The following MED12L variants were observed in gnomAD, a reference collection of about 807,000 sequenced individuals.
MED12L encodes the protein mediator of RNA polymerase II transcription subunit 12-like protein.
MED12L carries 60 observed loss-of-function variants against 281.3 expected under a neutral mutation model. The observed-to-expected ratio is 0.21, with a 90% CI of 0.17 to 0.26. MED12L has a LOEUF of 0.26. MED12L is among the 10% of genes least tolerant of loss of function. The probability of loss-of-function intolerance (pLI) is 1.00; values close to 1 mark genes in which losing one functional copy is unlikely to be tolerated. For synonymous variants in MED12L, 974 were observed against 987.2 expected, an observed-to-expected ratio of 0.99 and a Z score of 0.25; for missense variants, 2,146 against 2,680.9, an observed-to-expected ratio of 0.80 and a Z score of 4.41.
intron 16 of MED12L, among the ~76,000 whole-genome samples, chr3:151,334,603 G>T (rs574826747): frequency 1.3e-5 from 2 of 151,970 alleles, no homozygotes; most frequent in Non-Finnish European, 2.9e-5. Context: ...GTGTTCAAGC[G>T]GTTCTCCTGC....
intron 16 of MED12L, among the ~76,000 whole-genome samples, chr3:151,223,428 A>T (rs887463082): frequency 2.0e-5 from 3 of 152,264 alleles, no homozygotes; most frequent in African/African-American, 7.2e-5. Flanking sequence ...TAGCAAAGGC[A>T]TAGAATCAGC....
intron 16 of MED12L, chr3:151,241,709 T>A (rs192730235): frequency 2.0e-4 from 30 of 152,294 alleles, no homozygotes; most frequent in Admixed American, 2.0e-3. Flanking sequence ...TTTTCATTTT[T>A]CTCTTGTGAA....
intron 16 of MED12L, among the ~76,000 whole-genome samples, chr3:151,207,097 A>C (rs1039531450): frequency 1.4e-5 from 2 of 147,628 alleles, no homozygotes; most frequent in Non-Finnish European, 3.0e-5. Context: ...TCCAGGCTGG[A>C]GTGCAGTGGT....
At chr3:151,245,334 C>T (rs1193555700) in intron 16 of MED12L, among the ~76,000 whole-genome samples, 1 of 151,552 alleles carries the variant, frequency 6.6e-6, no homozygotes, top group Non-Finnish European at 1.5e-5. Context: ...AATTTTAGAC[C>T]AATATCCTTG....
Position 151,098,325 on chromosome 3 carries a change from G to A in MED12L, c.99+11300G>A, listed in dbSNP as rs557113410. On this transcript the variant is annotated intron_variant, in intron 2 of 44. Transcript: ENST00000687756. ...TAGGTGGTCCCTGACATTCAGAACTGGAAGTGGGTGATTGGTTTCCTGGGG... is the reference window on the plus strand; with the variant it reads ...TAGGTGGTCCCTGACATTCAGAACTAGAAGTGGGTGATTGGTTTCCTGGGG... Among the ~76,000 whole-genome samples the A allele has an allele frequency of 5.3e-5, 8 of 152,332 alleles. No homozygotes were observed. The East Asian group carries it at 1.5e-3, about 29-fold the overall frequency.
In MED12L at chr3:151,094,616, T is replaced by C. The variant is rs569318536; in HGVS notation, c.99+7591T>C. Among the ~76,000 whole-genome samples the C allele has an allele frequency of 2.6e-5, 4 of 152,240 alleles. No homozygotes were observed. In the South Asian group the frequency reaches 8.3e-4, roughly 32 times the overall value. On this transcript the variant is annotated intron_variant, in intron 2 of 44. Coordinates refer to ENST00000687756, the MANE Select transcript of MED12L (RefSeq NM_001393769.1). ...TTCTCTTTCTCTTAGAAAATGTGTA[T>C]GTATATGTAAAGAACAATGTCATTA...
chr3:151,360,468 C>T lies in MED12L; in HGVS notation c.2826-6C>T, dbSNP rs758250840. 29 of 1,610,210 alleles carry T rather than the reference C, an allele frequency of 1.8e-5. No individual in the cohort carries two copies. Among genetic ancestry groups the T allele is most frequent in the South Asian group, 6.6e-5 (6 of 90,524 alleles). On this transcript the variant is annotated splice_polypyrimidine_tract_variant and splice_region_variant and intron_variant, in intron 20 of 44. Transcript: ENST00000687756. ...GTCTTATTTCTTCGTATATTTTTCTCCTCAGGTTGTGTGGTGTGGTCAAGC... is the reference window on the plus strand; with the variant it reads ...GTCTTATTTCTTCGTATATTTTTCTTCTCAGGTTGTGTGGTGTGGTCAAGC...
intron 2 of MED12L, among the ~76,000 whole-genome samples, chr3:151,114,920 A>G (rs1450223125): frequency 1.3e-5 from 2 of 152,112 alleles, no homozygotes; most frequent in African/African-American, 4.8e-5. Flanking sequence ...CTTTGGTGGC[A>G]TGGTGTCATG....
intron 16 of MED12L, among the ~76,000 whole-genome samples, chr3:151,257,313 TAGAC>T (rs1265843947): frequency 3.3e-5 from 5 of 152,258 alleles, no homozygotes; most frequent in Admixed American, 2.6e-4. Context: ...ATTAATCTCT[TAGAC>T]AGTTGAAACA....
chr3:151,191,635 G>T (rs570156384), intron 14 of MED12L, among the ~76,000 whole-genome samples: 1 of 152,114 alleles, frequency 6.6e-6, no homozygotes, highest in Non-Finnish European at 1.5e-5. Context: ...GCCTGGGCAC[G>T]GTGGCTGATG....
At chr3:151,370,515 TGA>T (rs1756040701) in intron 26 of MED12L, among the ~76,000 whole-genome samples, 1 of 152,184 alleles carries the variant, frequency 6.6e-6, no homozygotes, top group African/African-American at 2.4e-5. Context: ...CACGGGCCTG[TGA>T]ATTTTGTAGT....
intron 16 of MED12L, among the ~76,000 whole-genome samples, chr3:151,217,718 A>T (rs1728518118): frequency 6.6e-6 from 1 of 152,190 alleles, no homozygotes; most frequent in South Asian, 2.1e-4. Flanking sequence ...GAACACTCTA[A>T]AGGAACAAGC....
intron 16 of MED12L, among the ~76,000 whole-genome samples, chr3:151,227,848 G>C (rs536748309): frequency 8.5e-5 from 13 of 152,274 alleles, no homozygotes; most frequent in African/African-American, 2.6e-4. Flanking sequence ...TCAGTTCTTT[G>C]TGGGTAGGCT....
At chr3:151,193,798 C>T (rs1251880311) in intron 16 of MED12L, 132 bp downstream of exon 16, 1 of 729,726 alleles carries the variant, frequency 1.4e-6, no homozygotes, top group Non-Finnish European at 2.2e-6. Flanking sequence ...TTTGCTCCTG[C>T]TTCTGTTCTA....
Position 151,291,146 on chromosome 3 carries a change from T to G in MED12L, c.2251-58913T>G, listed in dbSNP as rs1744197956. ...TCCTACGCTTTATTTTGTCCTTGTT[T>G]TCTGTTTTTTTTTTTTTTTGTTTTT... On this transcript the variant is annotated intron_variant, in intron 16 of 44. Transcript: ENST00000687756. Among the ~76,000 whole-genome samples, 4 of 61,336 alleles carry G rather than the reference T, an allele frequency of 6.5e-5. 1 individual carries two copies. In the South Asian group the frequency reaches 3.3e-3, roughly 51 times the overall value. The allele number at this position is 61,336 out of a possible 152,430, so 40.2% of individuals were successfully genotyped here.
rs1753048443 is a variant in MED12L at position 151,350,201 on chromosome 3, C to T, written c.2393C>T (p.Thr798Ile). The change falls in exon 17 of 45, where the codon ACA becomes ATA. Residue 798 changes from threonine (T) to isoleucine (I), a missense_variant. Transcript: ENST00000687756. ...KILNKKSTTETGVGDEGQKAR... is the reference protein window; with the variant it reads ...KILNKKSTTEIGVGDEGQKAR... Reference sequence around the variant, plus strand: ...CTAAATAAGAAGAGCACCACAGAGACAGGGGGTAAAGAACCTTAATGCATT... The same window carrying T: ...CTAAATAAGAAGAGCACCACAGAGATAGGGGGTAAAGAACCTTAATGCATT... The T allele has an allele frequency of 1.2e-5, 19 of 1,613,278 alleles. No homozygotes were observed. Among genetic ancestry groups the T allele is most frequent in the Non-Finnish European group, 1.6e-5 (19 of 1,179,604 alleles).
At chr3:151,329,647 G>T in intron 16 of MED12L, 1 of 597,264 alleles carries the variant, frequency 1.7e-6, no homozygotes. Context: ...TTAGACCTTT[G>T]GGACATTTGC....
At chr3:151,328,771 C>T (rs756701413) in intron 16 of MED12L, 6 of 1,613,942 alleles carry the variant, frequency 3.7e-6, no homozygotes, top group Non-Finnish European at 5.1e-6. Flanking sequence ...TGAAAGGAAG[C>T]ATGAGTGTCA....
chr3:151,178,695 G>A (rs1722373865), intron 11 of MED12L, among the ~76,000 whole-genome samples: 1 of 152,004 alleles, frequency 6.6e-6, no homozygotes, highest in Non-Finnish European at 1.5e-5. Flanking sequence ...TGTAAACTGG[G>A]GATAATATAA....
Sources: allele counts gnomAD v4.1 joint callset (sites outside exome capture counted in the v4.1 genomes callset), GRCh38; gene constraint gnomAD v4.1.1; transcripts MANE v1.5; gene names NCBI Gene and HGNC (gene_info 2026-07-23, HGNC 2026-07-21).